Variants in AFAP1L1 observed in about 807,000 individuals in gnomAD.
The protein encoded by AFAP1L1 is actin filament associated protein 1 like 1.
AFAP1L1 carries 77 observed loss-of-function variants against 99.8 expected under a neutral mutation model. The observed-to-expected ratio is 0.77, with a 90% CI of 0.64 to 0.93. The LOEUF is 0.93. Ranked by LOEUF, AFAP1L1 falls within the 40% of genes least tolerant of loss-of-function variation. The probability of loss-of-function intolerance (pLI) is 0.00; values close to 1 mark genes in which losing one functional copy is unlikely to be tolerated. For missense variants in AFAP1L1, 893 were observed against 996.8 expected (o/e 0.90, Z 1.40); for synonymous variants, 373 against 395.3 (o/e 0.94, Z 0.67).
chr5:149,307,692 T>C, intron 7 of AFAP1L1, 79 bp downstream of exon 7: 1 of 1,446,858 alleles, frequency 6.9e-7, no homozygotes, highest in East Asian at 2.4e-5. Flanking sequence ...CATGTGGATA[T>C]GTCTGCCTTG....
intron 1 of AFAP1L1, among the ~76,000 whole-genome samples, chr5:149,297,270 A>T (rs1324338237): frequency 6.6e-6 from 1 of 152,136 alleles, no homozygotes; most frequent in Non-Finnish European, 1.5e-5. Flanking sequence ...CAGGCCCTGG[A>T]GGCAGCAGGA....
chr5:149,316,460 C>G (rs578259149), intron 11 of AFAP1L1, among the ~76,000 whole-genome samples, 157 bp downstream of exon 11: 1 of 152,256 alleles, frequency 6.6e-6, no homozygotes, highest in African/African-American at 2.4e-5. Context: ...CATTAACACT[C>G]TAGGCCTTCC....
At chr5:149,314,565 A>C (rs564362767) in intron 9 of AFAP1L1, among the ~76,000 whole-genome samples, 81 of 152,324 alleles carry the variant, frequency 5.3e-4, no homozygotes, top group African/African-American at 1.8e-3. Context: ...CTATCTGATG[A>C]AAAACTTACC....
intron 9 of AFAP1L1, among the ~76,000 whole-genome samples, chr5:149,314,163 T>G (rs1756724930): frequency 6.6e-6 from 1 of 151,018 alleles, no homozygotes; most frequent in South Asian, 2.1e-4. Context: ...TCACCAGGAG[T>G]GGAAGATGGG....
intron 2 of AFAP1L1, 42 bp from the exon 3 acceptor site, chr5:149,300,229 C>G: frequency 6.7e-7 from 1 of 1,487,810 alleles, no homozygotes; most frequent in Non-Finnish European, 9.3e-7. Flanking sequence ...AGACCTGGTC[C>G]CTCCTCCTTC....
At chr5:149,339,943 C>T (rs919026263) in intron 18 of AFAP1L1, 64 bp from the exon 19 acceptor site, 11 of 1,585,530 alleles carry the variant, frequency 6.9e-6, no homozygotes, top group Non-Finnish European at 9.5e-6. Flanking sequence ...GCCGTGAAAT[C>T]TCTTTATCCA....
At chr5:149,272,113 G>C in intron 1 of AFAP1L1, 129 bp downstream of exon 1, 1 of 985,146 alleles carries the variant, frequency 1.0e-6, no homozygotes, top group Non-Finnish European at 1.3e-6. Context: ...CGCTCGGAGG[G>C]GACTGGGAGA....
chr5:149,341,520 T>C lies in AFAP1L1; in HGVS notation c.*1490T>C, dbSNP rs1333553797. On this transcript the variant is annotated 3_prime_UTR_variant, in exon 19 of 19. Transcript: ENST00000296721. ...ACAATTGTTACTTTTCTCCCAAGAT[T>C]GTTGGGAAGATTTAATAAGATAATA... 6.6e-6 allele frequency: 1 copy of C among 152,202 alleles called. No individual in the cohort carries two copies. Among genetic ancestry groups the C allele is most frequent in the Non-Finnish European group, 1.5e-5 (1 of 68,044 alleles). The allele number at this position is 152,202 out of a possible 1,614,324, so 9.4% of individuals were successfully genotyped here.
chr5:149,282,277 A>G (rs1755542303), intron 1 of AFAP1L1, among the ~76,000 whole-genome samples: 1 of 152,232 alleles, frequency 6.6e-6, no homozygotes, highest in Non-Finnish European at 1.5e-5. Flanking sequence ...TAGCCCTCTA[A>G]GAACCTAGAG....
chr5:149,291,854 T>C (rs1755870574), intron 1 of AFAP1L1, among the ~76,000 whole-genome samples: 1 of 152,228 alleles, frequency 6.6e-6, no homozygotes, highest in South Asian at 2.1e-4. Flanking sequence ...GAAAGGAAAT[T>C]TGAGTAAATC....
In AFAP1L1 at chr5:149,320,474, T is replaced by C. The variant is rs750503183; in HGVS notation, c.1698+11T>C. On this transcript the variant is annotated intron_variant, in intron 14 of 18. Transcript: ENST00000296721. The surrounding 1 kb of genome is among the most constrained non-coding windows in gnomAD (Gnocchi z 4.0). ...TATGAAAAGATGCAGGTACAGTCCC[T>C]TGGGGCTGCCCAGGAATGTGGCAAA... The C allele has an allele frequency of 6.2e-7, 1 of 1,613,898 alleles. No individual in the cohort carries two copies. Among genetic ancestry groups the C allele is most frequent in the South Asian group, 1.1e-5 (1 of 91,070 alleles).
chr5:149,287,918 G>A (rs1755735287), intron 1 of AFAP1L1, among the ~76,000 whole-genome samples: 1 of 152,072 alleles, frequency 6.6e-6, no homozygotes. Context: ...AAAAGTGTAA[G>A]GCACAGTACC....
At chr5:149,309,883 C>A in intron 7 of AFAP1L1, 73 bp from the exon 8 acceptor site, 1 of 1,601,498 alleles carries the variant, frequency 6.2e-7, no homozygotes, top group South Asian at 1.1e-5. Flanking sequence ...TTCCCCCGAG[C>A]CTTTGTGTGA....
chr5:149,301,748 T>G (rs375100607), intron 4 of AFAP1L1, among the ~76,000 whole-genome samples: 10 of 152,300 alleles, frequency 6.6e-5, no homozygotes, highest in Admixed American at 2.6e-4. Flanking sequence ...GCCATGGAAT[T>G]AGAGCAAGGG....
chr5:149,274,063 T>C (rs1755228821), intron 1 of AFAP1L1, among the ~76,000 whole-genome samples: 1 of 152,162 alleles, frequency 6.6e-6, no homozygotes, highest in South Asian at 2.1e-4. Flanking sequence ...GGCTCTGACC[T>C]GCTCTCTCCC....
chr5:149,300,392 C>T, intron 3 of AFAP1L1, 38 bp downstream of exon 3: 1 of 1,567,636 alleles, frequency 6.4e-7, no homozygotes, highest in Non-Finnish European at 8.7e-7. Flanking sequence ...ACGGAGCCAT[C>T]CCTCTTTCCC....
rs1197249905 is a variant in AFAP1L1, at chr5:149,308,651, G to A, written c.747+1038G>A. Among the ~76,000 whole-genome samples, 6 of 152,158 alleles carry A rather than the reference G, an allele frequency of 3.9e-5. No homozygotes were observed. In the South Asian group the frequency reaches 6.2e-4, roughly 16 times the overall value. On this transcript the variant is annotated intron_variant, in intron 7 of 18. Transcript: ENST00000296721. ...ACATGACCTTTTCTCACTCCAGGGC[G>A]GCACTAGTCCAGGGGACATGACCAT...
rs186620379 is a variant in AFAP1L1 at position 149,292,044 on chromosome 5, T to G, written c.17-7465T>G. Among the ~76,000 whole-genome samples, 285 of 152,342 alleles carry G rather than the reference T, an allele frequency of 1.9e-3. 1 individual carries two copies. Among genetic ancestry groups the G allele is most frequent in the Non-Finnish European group, 3.1e-3 (213 of 68,032 alleles). ...TGGGGAAAAGAGAAGTTGTATATTT[T>G]CCTATGGCTTTGCATTTAATGAATT... is the stretch of plus-strand genomic sequence containing the variant. On this transcript the variant is annotated intron_variant, in intron 1 of 18. Coordinates refer to ENST00000296721, the MANE Select transcript of AFAP1L1 (RefSeq NM_152406.4).
rs183540121 is a variant in AFAP1L1 at position 149,276,530 on chromosome 5, A to T, written c.16+4546A>T. Among the ~76,000 whole-genome samples the T allele has an allele frequency of 4.6e-5, 7 of 152,352 alleles. No homozygotes were observed. The East Asian group carries it at 1.2e-3, about 25-fold the overall frequency. ...CCTGTCTACCACATCATACATCTAA[A>T]GCAAATGGCACCACCCGCAGATGAG... On this transcript the variant is annotated intron_variant, in intron 1 of 18. Transcript: ENST00000296721.
Sources: gnomAD v4.1 joint callset for allele counts (sites outside exome capture counted in the v4.1 genomes callset) on GRCh38, gnomAD v4.1.1 for gene constraint, Gnocchi (gnomAD v3.1) non-coding constraint, MANE v1.5 for transcripts, NCBI Gene and HGNC (gene_info 2026-07-23, HGNC 2026-07-21) for gene names.